Variants in ZSWIM5 observed in about 807,000 individuals in gnomAD.
The protein encoded by ZSWIM5 is zinc finger SWIM-type containing 5, also known as zinc finger SWIM domain-containing protein 5.
Under a neutral mutation model 119.6 loss-of-function variants are expected in ZSWIM5, and 55 were observed. That is an observed-to-expected ratio of 0.46 (90% confidence interval 0.37 to 0.58). The LOEUF (loss-of-function observed/expected upper bound fraction) is 0.58. Ranked by LOEUF, ZSWIM5 falls within the 20% of genes least tolerant of loss-of-function variation. The pLI is 0.00. For missense variants in ZSWIM5, 1,193 were observed against 1,512.8 expected (o/e 0.79, Z 3.51); for synonymous variants, 537 against 606.9 (o/e 0.88, Z 1.69).
At chr1:45,165,443 A>C (rs1386654670) in intron 1 of ZSWIM5, among the ~76,000 whole-genome samples, 2 of 152,136 alleles carry the variant, frequency 1.3e-5, no homozygotes, top group African/African-American at 2.4e-5. Flanking sequence ...AAAAGCTAGC[A>C]GAAGGTAAGA....
intron 1 of ZSWIM5, among the ~76,000 whole-genome samples, chr1:45,100,340 AG>A (rs1201318971): frequency 1.3e-5 from 2 of 152,232 alleles, no homozygotes; most frequent in Non-Finnish European, 2.9e-5. Context: ...CCAACTTACA[AG>A]GGATGTGAAG....
Position 45,088,684 on chromosome 1 carries a change from A to T in ZSWIM5, c.596-447T>A, listed in dbSNP as rs1431189218. ...AAGGTAGATGTCACAAATGAAAGAG[A>T]ATCCAAAATGCCATGAGGAAGGACA... On this transcript the variant is annotated intron_variant, in intron 1 of 13. Transcript: ENST00000359600. The surrounding 1 kb of genome is among the most constrained non-coding windows in gnomAD (Gnocchi z 4.2). Among the ~76,000 whole-genome samples the T allele has an allele frequency of 6.6e-6, 1 of 152,224 alleles. No homozygotes were observed. Among genetic ancestry groups the T allele is most frequent in the African/African-American group, 2.4e-5 (1 of 41,468 alleles).
At chr1:45,061,412 C>T (rs1570042799) in intron 2 of ZSWIM5, among the ~76,000 whole-genome samples, 1 of 148,992 alleles carries the variant, frequency 6.7e-6, no homozygotes, top group East Asian at 2.0e-4. Context: ...ACTCTGTCAT[C>T]CAGGTTGGAG....
rs866014547 is a variant in ZSWIM5 at position 45,133,741 on chromosome 1, T to G, written c.596-45504A>C. ...TTTTCTTCTAGGGTTTTTATGGTTTTGGGTCTAACATTTAAGTCTTTAATC... is the reference window on the plus strand; with the variant it reads ...TTTTCTTCTAGGGTTTTTATGGTTTGGGGTCTAACATTTAAGTCTTTAATC... On this transcript the variant is annotated intron_variant, in intron 1 of 13. Transcript: ENST00000359600. Among the ~76,000 whole-genome samples the G allele has an allele frequency of 1.4e-3, 206 of 152,262 alleles. 1 individual carries two copies. The highest frequency in any genetic ancestry group is 3.4e-3 in the Middle Eastern group (1 of 294).
intron 1 of ZSWIM5, among the ~76,000 whole-genome samples, chr1:45,145,092 G>A (rs1291040227): frequency 1.3e-5 from 2 of 151,962 alleles, no homozygotes; most frequent in Non-Finnish European, 2.9e-5. Context: ...TTAGAAAAAC[G>A]CAAATTAAAA....
intron 1 of ZSWIM5, among the ~76,000 whole-genome samples, chr1:45,122,729 C>T (rs565892952): frequency 4.5e-4 from 69 of 152,280 alleles, no homozygotes; most frequent in African/African-American, 1.6e-3. Flanking sequence ...ACAAAAAAGC[C>T]TGCTCTCTCT....
intron 1 of ZSWIM5, among the ~76,000 whole-genome samples, chr1:45,098,968 T>C (rs146326596): frequency 0.021 from 3,139 of 152,096 alleles, 114 homozygotes; most frequent in African/African-American, 0.072. Flanking sequence ...AATAGACACC[T>C]TAACATCACA....
At chr1:45,116,982 G>C (rs1327002488) in intron 1 of ZSWIM5, among the ~76,000 whole-genome samples, 2 of 152,192 alleles carry the variant, frequency 1.3e-5, no homozygotes. Flanking sequence ...AACACACGTA[G>C]TCAAAACATT....
At position 45,100,355 on chromosome 1, in the gene ZSWIM5, C is replaced by T. The variant is rs547926438; in HGVS notation, c.596-12118G>A. Reference sequence around the variant, plus strand: ...CCAACTTACAAGGGATGTGAAGGACCTCTTCAAGGAGAACTACAAACCACT... The same window carrying T: ...CCAACTTACAAGGGATGTGAAGGACTTCTTCAAGGAGAACTACAAACCACT... On this transcript the variant is annotated intron_variant, in intron 1 of 13. Coordinates refer to ENST00000359600, the MANE Select transcript of ZSWIM5 (RefSeq NM_020883.2). 2.0e-4 allele frequency among the ~76,000 whole-genome samples: 31 copies of T among 152,232 alleles called. No individual in the cohort carries two copies. In the East Asian group the frequency reaches 5.4e-3, roughly 27 times the overall value.
intron 2 of ZSWIM5, among the ~76,000 whole-genome samples, chr1:45,071,409 T>C (rs567058668): frequency 1.3e-5 from 2 of 150,330 alleles, no homozygotes; most frequent in South Asian, 4.2e-4. Flanking sequence ...TCACCTAGCA[T>C]AATAACCTCC....
At chr1:45,183,322 C>T in intron 1 of ZSWIM5, among the ~76,000 whole-genome samples, 1 of 151,682 alleles carries the variant, frequency 6.6e-6, no homozygotes, top group Non-Finnish European at 1.5e-5. Flanking sequence ...GACACCCTAA[C>T]ATCACAATTA....
In ZSWIM5 at chr1:45,205,770, T is replaced by C; in HGVS notation, c.581A>G (p.Asn194Ser). ...CGAGCACATACCGACTTGCAGCACG[T>C]TCTCCACGGAGCCGCTGTCCAGCAG... is the stretch of plus-strand genomic sequence containing the variant. ...IRLLDSGSVE[N>S]VLQVGFHLSG... The change falls in exon 1 of 14, where the codon AAC becomes AGC. Residue 194 changes from asparagine to serine, a missense_variant. By Grantham distance (46) the Asn-to-Ser change is conservative. Around this residue, in one of 2 missense-constraint regions of ZSWIM5, gnomAD observed 961 missense variants for 1,290.0 expected, o/e 0.74. Coordinates refer to ENST00000359600, the MANE Select transcript of ZSWIM5 (RefSeq NM_020883.2). 6.4e-7 allele frequency: 1 copy of C among 1,567,048 alleles called. No homozygotes were observed. The highest frequency in any genetic ancestry group is 1.1e-5 in the South Asian group (1 of 87,102).
chr1:45,107,298 G>A (rs1645486944), intron 1 of ZSWIM5, among the ~76,000 whole-genome samples: 1 of 152,040 alleles, frequency 6.6e-6, no homozygotes, highest in African/African-American at 2.4e-5. Context: ...GCATTTGTCT[G>A]GAAAATTCAT....
Position 45,070,510 on chromosome 1 carries a change from A to G in ZSWIM5, c.953-10263T>C, listed in dbSNP as rs1273745391. On this transcript the variant is annotated intron_variant, in intron 2 of 13. Transcript: ENST00000359600. ...TGAGTTTTAAAATTTTCTGCCATCAAATTTGTAATATTCATGATTTTTTTC... is the reference window on the plus strand; with the variant it reads ...TGAGTTTTAAAATTTTCTGCCATCAGATTTGTAATATTCATGATTTTTTTC... The G allele has an allele frequency of 4.5e-6, 3 of 672,994 alleles. No individual in the cohort carries two copies. The African/African-American group carries it at 5.4e-5, about 12-fold the overall frequency. The allele number at this position is 672,994 out of a possible 1,614,324, so 41.7% of individuals were successfully genotyped here. A position where few individuals can be genotyped will look rare whatever the true frequency, so the allele number is the denominator to read the frequency against.
intron 1 of ZSWIM5, among the ~76,000 whole-genome samples, chr1:45,157,955 G>T (rs1463077453): frequency 6.6e-6 from 1 of 151,902 alleles, no homozygotes; most frequent in African/African-American, 2.4e-5. Context: ...ATATCCATTT[G>T]TATATAATCT....
At position 45,162,532 on chromosome 1, in the gene ZSWIM5, C is replaced by G. The variant is rs151233530; in HGVS notation, c.595+43224G>C. ...AAAGCAGGGCGAGGCATCGCCTCACCCAGGAAGTGCAAGAGGTCAGGGAAT... is the reference window on the plus strand; with the variant it reads ...AAAGCAGGGCGAGGCATCGCCTCACGCAGGAAGTGCAAGAGGTCAGGGAAT... On this transcript the variant is annotated intron_variant, in intron 1 of 13. Transcript: ENST00000359600. Among the ~76,000 whole-genome samples, 648 of 152,332 alleles carry G rather than the reference C, an allele frequency of 4.3e-3. 21 individuals carry two copies. The East Asian group carries it at 0.084, about 20-fold the overall frequency.
At chr1:45,171,263 T>G (rs1395957678) in intron 1 of ZSWIM5, among the ~76,000 whole-genome samples, 2 of 152,082 alleles carry the variant, frequency 1.3e-5, no homozygotes, top group African/African-American at 4.8e-5. Flanking sequence ...CAAGCTTATT[T>G]CAAAAAAGTA....
intron 1 of ZSWIM5, among the ~76,000 whole-genome samples, chr1:45,106,767 A>G (rs1005349899): frequency 2.0e-5 from 3 of 152,212 alleles, no homozygotes; most frequent in African/African-American, 7.2e-5. Flanking sequence ...GTTTTGTCGA[A>G]AAGAAAAGGG....
intron 1 of ZSWIM5, among the ~76,000 whole-genome samples, chr1:45,096,434 TTGTGTGTGTGTG>T (rs112308838): frequency 2.1e-5 from 3 of 144,344 alleles, no homozygotes; most frequent in African/African-American, 7.6e-5. Flanking sequence ...AGATAACTGT[TTGTGTGTGTGTG>T]TGTGTGTGTG....
Sources: gnomAD v4.1 joint callset for allele counts (sites outside exome capture counted in the v4.1 genomes callset) on GRCh38, gnomAD v4.1.1 for gene constraint, gnomAD v4.1.1 regional missense constraint, Gnocchi (gnomAD v3.1) non-coding constraint, MANE v1.5 for transcripts, NCBI Gene and HGNC (gene_info 2026-07-23, HGNC 2026-07-21) for gene names.